ATXN1: variants seen among roughly 807,000 people sequenced by gnomAD.
The protein encoded by ATXN1 is ataxin 1, also known as ataxin-1.
A neutral mutation model predicts 56.4 loss-of-function variants in ATXN1; 8 were observed. That is an observed-to-expected ratio of 0.14 (90% confidence interval 0.08 to 0.26). The LOEUF (loss-of-function observed/expected upper bound fraction) is 0.26. Ranked by LOEUF, ATXN1 falls within the 10% of genes least tolerant of loss-of-function variation. ATXN1 has a pLI of 1.00. For synonymous variants in ATXN1, 514 were observed against 494.6 expected (o/e 1.04, Z -0.52); for missense variants, 987 against 1,106.5 (o/e 0.89, Z 1.53).
At chr6:16,611,985 G>A (rs1052527021) in intron 3 of ATXN1, among the ~76,000 whole-genome samples, 1 of 144,432 alleles carries the variant, frequency 6.9e-6, no homozygotes, top group Non-Finnish European at 1.5e-5. Context: ...TCAGCCTTTC[G>A]AGTAGCTGGG....
In ATXN1 at chr6:16,311,362, CT is replaced by C. The variant is rs1561845625; in HGVS notation, c.1918-4504del. ...TTTTCTGTGCCTCCTGACCTCTACC[CT>C]TGTGAGCAAAGACATTACAATGCCA... is the stretch of plus-strand genomic sequence containing the variant. On this transcript the variant is annotated intron_variant, in intron 7 of 7. Coordinates refer to ENST00000436367, the MANE Select transcript of ATXN1 (RefSeq NM_001128164.2). 8.5e-5 allele frequency among the ~76,000 whole-genome samples: 13 copies of C among 152,310 alleles called. 1 individual carries two copies. The South Asian group carries it at 2.5e-3, about 29-fold the overall frequency.
intron 6 of ATXN1, among the ~76,000 whole-genome samples, chr6:16,451,146 T>G (rs886860769): frequency 1.3e-5 from 2 of 152,200 alleles, no homozygotes; most frequent in East Asian, 3.9e-4. Flanking sequence ...AGTTGCCACT[T>G]CAGCTGTACA....
intron 4 of ATXN1, among the ~76,000 whole-genome samples, chr6:16,578,481 A>G (rs772809447): frequency 1.3e-5 from 2 of 152,220 alleles, no homozygotes; most frequent in Non-Finnish European, 2.9e-5. Flanking sequence ...TACTTCTCGA[A>G]TCTTCTTTCT....
intron 4 of ATXN1, among the ~76,000 whole-genome samples, chr6:16,578,461 C>T (rs1762464255): frequency 5.3e-5 from 8 of 152,206 alleles, no homozygotes; most frequent in Admixed American, 5.2e-4. Context: ...CATTTGTACT[C>T]AACCACATCT....
intron 5 of ATXN1, among the ~76,000 whole-genome samples, chr6:16,496,654 C>T (rs1004469338): frequency 2.6e-5 from 4 of 152,186 alleles, no homozygotes; most frequent in African/African-American, 9.6e-5. Context: ...AAGATGCAGC[C>T]GTGGTTTGTC....
intron 6 of ATXN1, among the ~76,000 whole-genome samples, chr6:16,465,866 G>C (rs1760094263): frequency 6.6e-6 from 1 of 152,194 alleles, no homozygotes; most frequent in South Asian, 2.1e-4. Flanking sequence ...AAAGACATGA[G>C]AGATGGGGAG....
At chr6:16,379,272 G>A (rs1365306720) in intron 6 of ATXN1, among the ~76,000 whole-genome samples, 1 of 152,160 alleles carries the variant, frequency 6.6e-6, no homozygotes, top group African/African-American at 2.4e-5. Flanking sequence ...AAGAGTGGGA[G>A]TGGGGAGAGG....
At chr6:16,688,881 G>C (rs1206193103) in intron 2 of ATXN1, among the ~76,000 whole-genome samples, 1 of 152,058 alleles carries the variant, frequency 6.6e-6, no homozygotes, top group African/African-American at 2.4e-5. Context: ...TCTCTCCTTT[G>C]TCTAGGTGCT....
chr6:16,350,540 G>T lies in ATXN1; in HGVS notation c.-160-22070C>A, dbSNP rs116923572. Among the ~76,000 whole-genome samples, 3 of 152,280 alleles carry T rather than the reference G, an allele frequency of 2.0e-5. No homozygotes were observed. The East Asian group carries it at 5.8e-4, about 29-fold the overall frequency. On this transcript the variant is annotated intron_variant, in intron 6 of 7. Coordinates refer to ENST00000436367, the MANE Select transcript of ATXN1 (RefSeq NM_001128164.2). ...CTCGCACTTCACTCCTATATCCAGC[G>T]ACTCCCCTAATTGTGTCAGTCTTTC...
At chr6:16,646,874 C>T (rs2113826348) in intron 3 of ATXN1, among the ~76,000 whole-genome samples, 2 of 152,354 alleles carry the variant, frequency 1.3e-5, no homozygotes, top group Middle Eastern at 6.8e-3. Flanking sequence ...GAAGAATAAA[C>T]ACTGGAAAAA....
chr6:16,587,275 G>A (rs879592874), intron 3 of ATXN1, among the ~76,000 whole-genome samples: 2 of 152,122 alleles, frequency 1.3e-5, no homozygotes, highest in Admixed American at 6.5e-5. Context: ...CTGCCTAAGC[G>A]GCTAAATTTC....
intron 6 of ATXN1, among the ~76,000 whole-genome samples, chr6:16,419,737 C>T (rs531788272): frequency 1.3e-5 from 2 of 152,186 alleles, no homozygotes; most frequent in South Asian, 2.1e-4. Flanking sequence ...AGTGGCTGCC[C>T]GGGTCTGCCT....
At chr6:16,538,418 AT>A (rs996878263) in intron 4 of ATXN1, among the ~76,000 whole-genome samples, 13 of 151,962 alleles carry the variant, frequency 8.6e-5, no homozygotes, top group African/African-American at 3.1e-4. Flanking sequence ...TGTTCTTTTT[AT>A]TTTTTTAATC....
chr6:16,319,746 T>G (rs1323659471), intron 7 of ATXN1, among the ~76,000 whole-genome samples: 1 of 152,168 alleles, frequency 6.6e-6, no homozygotes, highest in Non-Finnish European at 1.5e-5. Context: ...TAGTCTTTAA[T>G]TTTTTTCTAA....
chr6:16,704,038 C>G (rs1759351762), intron 2 of ATXN1, among the ~76,000 whole-genome samples: 1 of 152,146 alleles, frequency 6.6e-6, no homozygotes, highest in Non-Finnish European at 1.5e-5. Context: ...AAAGCAATAA[C>G]AACAACGGTT....
In ATXN1 at chr6:16,379,402, C is replaced by G. The variant is rs181480079; in HGVS notation, c.-160-50932G>C. On this transcript the variant is annotated intron_variant, in intron 6 of 7. Transcript: ENST00000436367. Reference sequence around the variant, plus strand: ...ATACCACCTGTATCCCAATAACTTACGGAAAAATAAAATAAAAATTTTAAG... The same window carrying G: ...ATACCACCTGTATCCCAATAACTTAGGGAAAAATAAAATAAAAATTTTAAG... Among the ~76,000 whole-genome samples the G allele has an allele frequency of 2.0e-5, 3 of 152,102 alleles. No individual in the cohort carries two copies. In the South Asian group the frequency reaches 6.2e-4, roughly 32 times the overall value.
At chr6:16,563,733 G>A (rs938586906) in intron 4 of ATXN1, among the ~76,000 whole-genome samples, 5 of 152,134 alleles carry the variant, frequency 3.3e-5, no homozygotes, top group Non-Finnish European at 7.4e-5. Context: ...AAGTCTTAAG[G>A]TGAGGAGATG....
At position 16,300,433 on chromosome 6, in the gene ATXN1, T is replaced by G. The variant is rs2113361866; in HGVS notation, c.*5896A>C. 1 of 152,018 alleles carries G rather than the reference T, an allele frequency of 6.6e-6. No homozygotes were observed. Among genetic ancestry groups the G allele is most frequent in the East Asian group, 1.9e-4 (1 of 5,188 alleles). The allele number at this position is 152,018 out of a possible 1,614,324, so 9.4% of individuals were successfully genotyped here. A position where few individuals can be genotyped will look rare whatever the true frequency, so the allele number is the denominator to read the frequency against. ...TCAACGAGAAGGGAGGGGACGAGAT[T>G]CTGAATTTAAGAATTGTAAGTGGGG... is the stretch of plus-strand genomic sequence containing the variant. On this transcript the variant is annotated 3_prime_UTR_variant, in exon 8 of 8. Transcript: ENST00000436367.
At chr6:16,429,377 T>TAAAAA (rs3072200) in intron 6 of ATXN1, among the ~76,000 whole-genome samples, 16,274 of 133,004 alleles carry the variant, frequency 0.12, 1,402 homozygotes, top group East Asian at 0.4. Context: ...CTTTTAGCAT[T>TAAAAA]AAAAAAAAAA....
Sources: gnomAD v4.1 joint callset for allele counts (sites outside exome capture counted in the v4.1 genomes callset) on GRCh38, gnomAD v4.1.1 for gene constraint, MANE v1.5 for transcripts, NCBI Gene and HGNC (gene_info 2026-07-23, HGNC 2026-07-21) for gene names.